The following ZNF628 variants were observed in gnomAD, a reference collection of about 807,000 sequenced individuals.
ZNF628 encodes the protein zinc finger protein 628, also known as zinc finger protein Zec.
Under a neutral mutation model 2.5 loss-of-function variants are expected in ZNF628, and 3 were observed. That is an observed-to-expected ratio of 1.19 (90% CI 0.54 to 3.07). The LOEUF is 3.07. Ranked by LOEUF, ZNF628 falls within the 30% of genes most tolerant of loss-of-function variation. The probability of loss-of-function intolerance (pLI) is 0.03; values close to 1 mark genes in which losing one functional copy is unlikely to be tolerated. For missense variants in ZNF628, 1,610 were observed against 1,517.1 expected, an observed-to-expected ratio of 1.06 and a Z score of -1.02; for synonymous variants, 861 against 717.1, an observed-to-expected ratio of 1.20 and a Z score of -3.21.
chr19:55,483,925 A>G lies in ZNF628; in HGVS notation c.2732A>G (p.Asp911Gly), dbSNP rs1462716077. Residue 911 changes from aspartate to glycine, a missense_variant, in exon 3 of 3, where the codon GAT (aspartate) becomes GGT (glycine). By Grantham distance (94) the Asp-to-Gly change is moderately conservative. Coordinates refer to ENST00000598519, the MANE Select transcript of ZNF628 (RefSeq NM_033113.3). Reference protein sequence around the residue: ...LTGPGPGEAGDGEASTGVVQD... With the variant: ...LTGPGPGEAGGGEASTGVVQD... ...GGCCCGGGCCCCGGGGAGGCGGGGG[A>G]TGGCGAGGCCAGCACTGGTGTGGTC... The G allele has an allele frequency of 6.3e-7, 1 of 1,578,278 alleles. No individual in the cohort carries two copies. Among genetic ancestry groups the G allele is most frequent in the Non-Finnish European group, 8.6e-7 (1 of 1,161,328 alleles).
rs1986641079 is a variant in ZNF628 at position 55,479,272 on chromosome 19, C to A, written c.-77-562C>A. ...CCAGTGACAAGTGGGCCATTGCGGG[C>A]CACGCGCCGCCCAGGCCATGGAGTG... is the stretch of plus-strand genomic sequence containing the variant. On this transcript the variant is annotated intron_variant, in intron 1 of 2. Coordinates refer to ENST00000598519, the MANE Select transcript of ZNF628 (RefSeq NM_033113.3). The surrounding 1 kb of genome is among the most constrained non-coding windows in gnomAD (Gnocchi z 5.1). 6.6e-6 allele frequency among the ~76,000 whole-genome samples: 1 copy of A among 152,124 alleles called. No homozygotes were observed. Among genetic ancestry groups the A allele is most frequent in the South Asian group, 2.1e-4 (1 of 4,828 alleles).
rs1161941489 is a variant in ZNF628, at chr19:55,481,868, G to T, written c.675G>T (p.Thr225=). The T allele has an allele frequency of 1.9e-6, 3 of 1,559,874 alleles. No individual in the cohort carries two copies. Among genetic ancestry groups the T allele is most frequent in the Admixed American group, 1.9e-5 (1 of 53,666 alleles). Residue 225 remains threonine (T), a synonymous_variant, in exon 3 of 3, where the codon ACG becomes ACT. Transcript: ENST00000598519. ...HSSNLLLHQR[T]HGAAPAPGTA... The stretch of plus-strand genomic sequence containing the variant: ...CCAACCTGCTGCTGCACCAGCGCAC[G>T]CACGGCGCCGCCCCCGCCCCGGGTA...
chr19:55,477,086 G>A (rs1986569986), intron 1 of ZNF628, among the ~76,000 whole-genome samples: 1 of 152,226 alleles, frequency 6.6e-6, no homozygotes, highest in African/African-American at 2.4e-5. Context: ...GCCAGTGACC[G>A]TTTCCCAGAC....
chr19:55,477,619 G>A (rs561141108), intron 1 of ZNF628, among the ~76,000 whole-genome samples: 1 of 151,872 alleles, frequency 6.6e-6, no homozygotes, highest in African/African-American at 2.4e-5. Flanking sequence ...AAAATTAGCC[G>A]GGCGCGGTGG....
chr19:55,478,675 G>A (rs1004956647), intron 1 of ZNF628, among the ~76,000 whole-genome samples: 3 of 152,240 alleles, frequency 2.0e-5, no homozygotes, highest in Non-Finnish European at 2.9e-5. Context: ...ACGGCGATCC[G>A]TGGGGAGGCT....
chr19:55,482,628 G>A lies in ZNF628; in HGVS notation c.1435G>A (p.Glu479Lys). 6.2e-7 allele frequency: 1 copy of A among 1,609,394 alleles called. No homozygotes were observed. The highest frequency in any genetic ancestry group is 8.5e-7 in the Non-Finnish European group (1 of 1,178,538). Residue 479 changes from glutamate to lysine, a missense_variant, in exon 3 of 3, where the codon GAG (glutamate) becomes AAG (lysine). By Grantham distance (56) the Glu-to-Lys change is moderately conservative. Around this residue, in one of 5 missense-constraint regions of ZNF628, gnomAD observed 651 missense variants for 575.6 expected, o/e 1.13. Transcript: ENST00000598519. ...LRYHLRDHTG[E>K]RPYQCGECGK... ...CTACCACCTGCGGGACCACACGGGC[G>A]AGCGGCCCTACCAGTGTGGCGAGTG...
Position 55,482,124 on chromosome 19 carries a change from C to G in ZNF628, c.931C>G (p.Leu311Val). The G allele has an allele frequency of 6.6e-7, 1 of 1,507,766 alleles. No individual in the cohort carries two copies. The highest frequency in any genetic ancestry group is 8.8e-7 in the Non-Finnish European group (1 of 1,130,834). The allele number at this position is 1,507,766 out of a possible 1,614,324, so 93.4% of individuals were successfully genotyped here. Residue 311 changes from leucine to valine, a missense_variant, in exon 3 of 3, where the codon CTG becomes GTG. Physicochemically the swap from Leu to Val is conservative, Grantham distance 32. Coordinates refer to ENST00000598519, the MANE Select transcript of ZNF628 (RefSeq NM_033113.3). Reference protein sequence around the residue: ...EQGFSSEELLLEHQPCPGPDA... With the variant: ...EQGFSSEELLVEHQPCPGPDA... ...GGGATTCAGCAGCGAGGAGCTGCTCCTGGAGCACCAGCCGTGCCCCGGGCC... is the reference window on the plus strand; with the variant it reads ...GGGATTCAGCAGCGAGGAGCTGCTCGTGGAGCACCAGCCGTGCCCCGGGCC...
rs1349378032 is a variant in ZNF628 at position 55,483,529 on chromosome 19, C to G, written c.2336C>G (p.Pro779Arg). 1 of 1,570,816 alleles carries G rather than the reference C, an allele frequency of 6.4e-7. No homozygotes were observed. The highest frequency in any genetic ancestry group is 2.2e-5 in the East Asian group (1 of 44,472). ...QGAGVVWLPG[P>R]GGLGVQGAAS... ...GCGGGAGTGGTCTGGCTGCCAGGCC[C>G]TGGGGGTCTAGGGGTGCAGGGAGCG... The change falls in exon 3 of 3, where the codon CCT becomes CGT. Residue 779 changes from proline to arginine, a missense_variant. Pro to Arg is a moderately radical substitution (Grantham distance 103). Coordinates refer to ENST00000598519, the MANE Select transcript of ZNF628 (RefSeq NM_033113.3).
rs968123055 is a variant in ZNF628, at chr19:55,476,720, A to C, written c.-165A>C. The C allele has an allele frequency of 6.0e-5, 9 of 149,282 alleles. No homozygotes were observed. Among genetic ancestry groups the C allele is most frequent in the Non-Finnish European group, 5.9e-5 (4 of 67,396 alleles). The allele number at this position is 149,282 out of a possible 1,614,324, so 9.2% of individuals were successfully genotyped here. Reference sequence around the variant, plus strand: ...CCCCCTCCCCGGTCCCCACAGCTGCACCGCCGCTGCCGGGGCCCCACCTTC... The same window carrying C: ...CCCCCTCCCCGGTCCCCACAGCTGCCCCGCCGCTGCCGGGGCCCCACCTTC... On this transcript the variant is annotated 5_prime_UTR_variant, in exon 1 of 3. Transcript: ENST00000598519.
At chr19:55,477,569 C>T (rs1210200273) in intron 1 of ZNF628, among the ~76,000 whole-genome samples, 2 of 151,880 alleles carry the variant, frequency 1.3e-5, no homozygotes, top group African/African-American at 2.4e-5. Flanking sequence ...CAAGACCAGC[C>T]CAGGCAATAT....
chr19:55,481,406 G>C lies in ZNF628; in HGVS notation c.213G>C (p.Lys71Asn), dbSNP rs769405814. ...CCTACAAGTGCCCAGACTGCCCCAAGGCTTTCAAAGGCTCCTCGGCCCTGC... is the reference window on the plus strand; with the variant it reads ...CCTACAAGTGCCCAGACTGCCCCAACGCTTTCAAAGGCTCCTCGGCCCTGC... ...ERPYKCPDCPKAFKGSSALLY... is the reference protein window; with the variant it reads ...ERPYKCPDCPNAFKGSSALLY... Residue 71 changes from lysine to asparagine, a missense_variant, in exon 3 of 3, where the codon AAG becomes AAC. This residue lies in a region of ZNF628 where 166 missense variants were observed against 241.3 expected (regional missense o/e 0.69). Transcript: ENST00000598519. 6.2e-7 allele frequency: 1 copy of C among 1,613,060 alleles called. No homozygotes were observed. The highest frequency in any genetic ancestry group is 1.1e-5 in the South Asian group (1 of 91,034).
In ZNF628 at chr19:55,483,890, G is replaced by C. The variant is rs771232277; in HGVS notation, c.2697G>C (p.Glu899Asp). 2 of 1,602,618 alleles carry C rather than the reference G, an allele frequency of 1.2e-6. No homozygotes were observed. Among genetic ancestry groups the C allele is most frequent in the Non-Finnish European group, 1.7e-6 (2 of 1,173,554 alleles). The stretch of plus-strand genomic sequence containing the variant: ...TTGTTCAGAGCGGGGCAGCTGAGGA[G>C]TTGCTCACTGGCCCGGGCCCCGGGG... ...LLVVQSGAAE[E>D]LLTGPGPGEA... The change falls in exon 3 of 3, where the codon GAG becomes GAC. Residue 899 changes from glutamate (E) to aspartate (D), a missense_variant. Transcript: ENST00000598519.
Position 55,482,132 on chromosome 19 carries a change from C to T in ZNF628, c.939C>T (p.His313=), listed in dbSNP as rs889544200. Residue 313 remains histidine (H), a synonymous_variant, in exon 3 of 3, where the codon CAC becomes CAT. Transcript: ENST00000598519. The stretch of plus-strand genomic sequence containing the variant: ...GCAGCGAGGAGCTGCTCCTGGAGCA[C>T]CAGCCGTGCCCCGGGCCCGATGCGG... ...GFSSEELLLE[H]QPCPGPDAAP... is the part of the protein sequence containing the mutation. 3.3e-6 allele frequency: 5 copies of T among 1,504,898 alleles called. No homozygotes were observed. Among genetic ancestry groups the T allele is most frequent in the African/African-American group, 2.9e-5 (2 of 69,002 alleles). 93.2% of individuals were successfully genotyped at this position (1,504,898 alleles called of 1,614,324 possible).
chr19:55,478,239 GTGA>G (rs1986610000), intron 1 of ZNF628, among the ~76,000 whole-genome samples: 1 of 152,220 alleles, frequency 6.6e-6, no homozygotes, highest in South Asian at 2.1e-4. Flanking sequence ...ACATTAGAAG[GTGA>G]TAATTGCTGC....
Position 55,483,348 on chromosome 19 carries a change from C to A in ZNF628, c.2155C>A (p.Gln719Lys), listed in dbSNP as rs1394923869. 5 of 1,540,540 alleles carry A rather than the reference C, an allele frequency of 3.2e-6. No homozygotes were observed. In the South Asian group the frequency reaches 6.0e-5, roughly 18 times the overall value. Residue 719 changes from glutamine (Q) to lysine (K), a missense_variant, in exon 3 of 3, where the codon CAG becomes AAG. Coordinates refer to ENST00000598519, the MANE Select transcript of ZNF628 (RefSeq NM_033113.3). The stretch of plus-strand genomic sequence containing the variant: ...GACGTTCCTCCTGGTGCAAACTGCC[C>A]AGGGCCTCCAGCTGATCCCCAGCAG... ...SQTFLLVQTA[Q>K]GLQLIPSSVQ...
chr19:55,483,382 C>T lies in ZNF628; in HGVS notation c.2189C>T (p.Pro730Leu). The T allele has an allele frequency of 1.3e-6, 2 of 1,541,900 alleles. No individual in the cohort carries two copies. The highest frequency in any genetic ancestry group is 2.4e-5 in the East Asian group (1 of 40,968). ...GLQLIPSSVQ[P>L]PTPPPPPAPP... is the part of the protein sequence containing the mutation. ...CAGCTGATCCCCAGCAGCGTGCAGC[C>T]CCCTACACCTCCGCCCCCTCCCGCA... The change falls in exon 3 of 3, where the codon CCC (proline) becomes CTC (leucine). Residue 730 changes from proline to leucine, a missense_variant. Pro to Leu is a moderately conservative substitution (Grantham distance 98). Transcript: ENST00000598519.
rs971387895 is a variant in ZNF628, at chr19:55,482,369, C to T, written c.1176C>T (p.Asp392=). The part of the protein sequence containing the change: ...GGQAFRCGSC[D]GSFPQLASLL... ...AAGCGTTCCGCTGCGGCAGCTGCGA[C>T]GGCTCCTTCCCGCAGCTGGCCAGCC... The change falls in exon 3 of 3, where the codon GAC becomes GAT. Residue 392 remains aspartate (D), a synonymous_variant. Coordinates refer to ENST00000598519, the MANE Select transcript of ZNF628 (RefSeq NM_033113.3). The T allele has an allele frequency of 5.6e-6, 8 of 1,433,026 alleles. No individual in the cohort carries two copies. The highest frequency in any genetic ancestry group is 4.5e-5 in the African/African-American group (3 of 66,632). 88.8% of individuals were successfully genotyped at this position (1,433,026 alleles called of 1,614,324 possible). A position where few individuals can be genotyped will look rare whatever the true frequency, so the allele number is the denominator to read the frequency against.
In ZNF628 at chr19:55,481,463, G is replaced by A; in HGVS notation, c.270G>A (p.Arg90=). The change falls in exon 3 of 3, where the codon CGG becomes CGA. Residue 90 remains arginine, a synonymous_variant. Coordinates refer to ENST00000598519, the MANE Select transcript of ZNF628 (RefSeq NM_033113.3). ...ACCAGCGAGGCCACACGGGCGAGCGGCCCTACCAGTGCCCCGACTGTCCCA... is the reference window on the plus strand; with the variant it reads ...ACCAGCGAGGCCACACGGGCGAGCGACCCTACCAGTGCCCCGACTGTCCCA... ...LYHQRGHTGE[R]PYQCPDCPKA... is the part of the protein sequence containing the mutation. 6.2e-7 allele frequency: 1 copy of A among 1,612,754 alleles called. No individual in the cohort carries two copies. The highest frequency in any genetic ancestry group is 8.5e-7 in the Non-Finnish European group (1 of 1,179,656).
Position 55,484,288 on chromosome 19 carries a change from G to T in ZNF628, c.3095G>T (p.Gly1032Val). ...GTGCAAGTGGTCCCCGCAGGAGCTGGGCCTGGTGTTATGACCCCTCAGGGC... is the reference window on the plus strand; with the variant it reads ...GTGCAAGTGGTCCCCGCAGGAGCTGTGCCTGGTGTTATGACCCCTCAGGGC... ...QMVQVVPAGA[G>V]PGVMTPQGLP... The change falls in exon 3 of 3, where the codon GGG becomes GTG. Residue 1032 changes from glycine (G) to valine (V), a missense_variant. By Grantham distance (109) the Gly-to-Val change is moderately radical. Coordinates refer to ENST00000598519, the MANE Select transcript of ZNF628 (RefSeq NM_033113.3). 3 of 1,537,510 alleles carry T rather than the reference G, an allele frequency of 2.0e-6. No individual in the cohort carries two copies. The highest frequency in any genetic ancestry group is 2.6e-6 in the Non-Finnish European group (3 of 1,140,450).
Sources: gnomAD v4.1 joint callset for allele counts (sites outside exome capture counted in the v4.1 genomes callset) on GRCh38, gnomAD v4.1.1 for gene constraint, gnomAD v4.1.1 regional missense constraint, Gnocchi (gnomAD v3.1) non-coding constraint, MANE v1.5 for transcripts, NCBI Gene and HGNC (gene_info 2026-07-23, HGNC 2026-07-21) for gene names.